CAMK2A: variants seen among roughly 807,000 people sequenced by gnomAD.
CAMK2A encodes calcium/calmodulin dependent protein kinase II alpha, also known as calcium/calmodulin-dependent protein kinase type II subunit alpha.
In CAMK2A, 7 loss-of-function variants were observed where a neutral mutation model predicts 79.2. That is an observed-to-expected ratio of 0.09 (90% CI 0.05 to 0.17). The LOEUF (loss-of-function observed/expected upper bound fraction) is 0.17. CAMK2A is among the 10% of genes least tolerant of loss of function. The pLI, the probability that CAMK2A is intolerant of heterozygous loss-of-function variation, is 1.00. For missense variants in CAMK2A, 214 were observed against 646.4 expected, an observed-to-expected ratio of 0.33 and a Z score of 7.25; for synonymous variants, 242 against 251.7, an observed-to-expected ratio of 0.96 and a Z score of 0.36.
chr5:150,289,523 C>A, intron 1 of CAMK2A, 41 bp downstream of exon 1: 1 of 1,540,712 alleles, frequency 6.5e-7, no homozygotes, highest in Non-Finnish European at 9.0e-7. Context: ...CTGACCTCCC[C>A]GCCCCCCATG....
chr5:150,253,660 C>T, intron 6 of CAMK2A, 114 bp from the exon 7 acceptor site: 1 of 865,568 alleles, frequency 1.2e-6, no homozygotes, highest in South Asian at 1.5e-5. Context: ...GCCCGGCCCT[C>T]CGGGGCCCCT....
chr5:150,284,244 C>G lies in CAMK2A; in HGVS notation c.62+5320G>C, dbSNP rs1562207384. On this transcript the variant is annotated intron_variant, in intron 1 of 18. Coordinates refer to ENST00000671881, the MANE Select transcript of CAMK2A (RefSeq NM_015981.4). The surrounding 1 kb of genome is among the most constrained non-coding windows in gnomAD (Gnocchi z 5.3). ...AGCCCTGCTAGCACCATCTTGCTAT[C>G]CCTGCACTGGGAGATGGACTCGTGC... Among the ~76,000 whole-genome samples, 2 of 152,236 alleles carry G rather than the reference C, an allele frequency of 1.3e-5. No homozygotes were observed. The highest frequency in any genetic ancestry group is 4.1e-4 in the South Asian group (2 of 4,828).
rs2114011977 is a variant in CAMK2A at position 150,223,227 on chromosome 5, G to A, written c.1238-10C>T. 1.2e-6 allele frequency: 2 copies of A among 1,608,374 alleles called. No homozygotes were observed. The highest frequency in any genetic ancestry group is 2.2e-5 in the East Asian group (1 of 44,860). On this transcript the variant is annotated splice_polypyrimidine_tract_variant and intron_variant, in intron 17 of 18. Transcript: ENST00000671881. This position sits in a 1 kb window ranked among gnomAD's most constrained non-coding sequence, Gnocchi z 4.1. ...CTGTTCCGGGACCACACTGGAGGAG[G>A]GGATGGGAGGGGCAGAGGAGATGCA...
At chr5:150,265,116 G>A (rs182666756) in intron 2 of CAMK2A, 101 bp from the exon 3 acceptor site, 1 of 873,498 alleles carries the variant, frequency 1.1e-6, no homozygotes, top group Admixed American at 2.0e-5. Context: ...TCCCAGGGCA[G>A]CCCCTGGGGG....
At position 150,267,189 on chromosome 5, in the gene CAMK2A, G is replaced by A. The variant is rs184684614; in HGVS notation, c.158-2174C>T. Among the ~76,000 whole-genome samples, 8 of 152,306 alleles carry A rather than the reference G, an allele frequency of 5.3e-5. No homozygotes were observed. In the East Asian group the frequency reaches 1.5e-3, roughly 29 times the overall value. Reference sequence around the variant, plus strand: ...TAGGGGAGGCTGACTTCTGGGCAGAGGAAGGGATGCCCATCCAGAGCTGAC... The same window carrying A: ...TAGGGGAGGCTGACTTCTGGGCAGAAGAAGGGATGCCCATCCAGAGCTGAC... On this transcript the variant is annotated intron_variant, in intron 2 of 18. Coordinates refer to ENST00000671881, the MANE Select transcript of CAMK2A (RefSeq NM_015981.4).
intron 13 of CAMK2A, among the ~76,000 whole-genome samples, chr5:150,243,416 C>T (rs563443626): frequency 1.2e-4 from 18 of 152,266 alleles, no homozygotes; most frequent in African/African-American, 4.1e-4. Flanking sequence ...AAGCTGGCAG[C>T]TCCCACATTG....
chr5:150,259,617 T>G (rs1756217221), intron 3 of CAMK2A, among the ~76,000 whole-genome samples: 1 of 152,220 alleles, frequency 6.6e-6, no homozygotes, highest in South Asian at 2.1e-4. Context: ...AAATATATTC[T>G]AAAGCAAAAT....
At chr5:150,271,447 C>T (rs957773731) in intron 2 of CAMK2A, among the ~76,000 whole-genome samples, 2 of 152,190 alleles carry the variant, frequency 1.3e-5, no homozygotes, top group African/African-American at 2.4e-5. Context: ...TGAGGCCTGC[C>T]GGGAGGCCTG....
intron 17 of CAMK2A, among the ~76,000 whole-genome samples, chr5:150,226,204 C>T (rs539651460): frequency 4.9e-4 from 75 of 152,206 alleles, no homozygotes; most frequent in Middle Eastern, 3.4e-3. Flanking sequence ...GTGTCAGTCC[C>T]AGTGGGGTTT....
intron 12 of CAMK2A, 101 bp from the exon 13 acceptor site, chr5:150,245,302 G>A (rs1755516396): frequency 6.3e-6 from 7 of 1,110,700 alleles, no homozygotes; most frequent in Admixed American, 1.8e-5. Flanking sequence ...AGGGCAGACT[G>A]CAGGGAGCAG....
intron 6 of CAMK2A, among the ~76,000 whole-genome samples, chr5:150,255,221 C>T (rs1179495211): frequency 4.6e-5 from 7 of 152,248 alleles, no homozygotes; most frequent in Non-Finnish European, 1.0e-4. Context: ...AACAGGCCCT[C>T]TGGGAGAGGT....
chr5:150,250,867 C>T, intron 9 of CAMK2A, 57 bp from the exon 10 acceptor site: 1 of 1,590,282 alleles, frequency 6.3e-7, no homozygotes. Flanking sequence ...CCCCTGCGAT[C>T]CCCCAGCCCC....
intron 16 of CAMK2A, among the ~76,000 whole-genome samples, chr5:150,231,074 G>A (rs1211335387): frequency 1.3e-5 from 2 of 152,194 alleles, no homozygotes; most frequent in East Asian, 1.9e-4. Context: ...ATGTGAGGAG[G>A]AGGAAGGATG....
intron 15 of CAMK2A, among the ~76,000 whole-genome samples, chr5:150,235,220 A>T (rs1158413864): frequency 1.3e-5 from 2 of 152,228 alleles, no homozygotes; most frequent in Admixed American, 6.5e-5. Flanking sequence ...ACCAACAATA[A>T]AGCCTAGTGG....
At chr5:150,277,590 G>A (rs1311921453) in intron 1 of CAMK2A, among the ~76,000 whole-genome samples, 1 of 152,200 alleles carries the variant, frequency 6.6e-6, no homozygotes. Flanking sequence ...CTCACTGAAG[G>A]TCCATGCCGT....
chr5:150,263,978 C>G (rs1403864604), intron 3 of CAMK2A, among the ~76,000 whole-genome samples: 1 of 152,210 alleles, frequency 6.6e-6, no homozygotes, highest in African/African-American at 2.4e-5. Flanking sequence ...AGATGCTTCT[C>G]TCTGGCAGGA....
At chr5:150,257,454 G>C in intron 4 of CAMK2A, 109 bp downstream of exon 4, 2 of 962,466 alleles carry the variant, frequency 2.1e-6, no homozygotes, top group Non-Finnish European at 3.3e-6. Context: ...CCACATTTGG[G>C]GAAACTCTGG....
At chr5:150,232,557 G>A (rs1754889085) in intron 15 of CAMK2A, among the ~76,000 whole-genome samples, 1 of 152,210 alleles carries the variant, frequency 6.6e-6, no homozygotes, top group African/African-American at 2.4e-5. Flanking sequence ...CCGTCTCCCA[G>A]AGGCAGGCCC....
intron 15 of CAMK2A, among the ~76,000 whole-genome samples, chr5:150,232,073 G>A (rs1281431220): frequency 6.6e-6 from 1 of 152,226 alleles, no homozygotes; most frequent in Non-Finnish European, 1.5e-5. Flanking sequence ...CTTATTAGAT[G>A]TGTGATGTTC....
Sources: gnomAD v4.1 joint callset for allele counts (sites outside exome capture counted in the v4.1 genomes callset) on GRCh38, gnomAD v4.1.1 for gene constraint, Gnocchi (gnomAD v3.1) non-coding constraint, MANE v1.5 for transcripts, NCBI Gene and HGNC (gene_info 2026-07-23, HGNC 2026-07-21) for gene names.